The following TOP1MT variants were observed in gnomAD, a reference collection of about 807,000 sequenced individuals.
The protein encoded by TOP1MT is DNA topoisomerase I mitochondrial.
Under a neutral mutation model 73.9 loss-of-function variants are expected in TOP1MT, and 80 were observed. The observed-to-expected ratio is 1.08, with a 90% CI of 0.90 to 1.30. The LOEUF (loss-of-function observed/expected upper bound fraction) is 1.30. Ranked by LOEUF, TOP1MT falls within the 50% of genes most tolerant of loss-of-function variation. TOP1MT has a pLI of 0.00. For missense variants in TOP1MT, 815 were observed against 808.0 expected, an observed-to-expected ratio of 1.01 and a Z score of -0.10; for synonymous variants, 338 against 326.4, an observed-to-expected ratio of 1.04 and a Z score of -0.38.
upstream of TOP1MT, among the ~76,000 whole-genome samples, chr8:143,339,469 C>G (rs1207297021): frequency 6.6e-6 from 1 of 152,146 alleles, no homozygotes; most frequent in African/African-American, 2.4e-5. Context: ...CCTCAGTTTC[C>G]TCATCTGAAA....
chr8:143,352,175 G>T (rs1011859118), intron 1 of TOP1MT, among the ~76,000 whole-genome samples: 3 of 152,224 alleles, frequency 2.0e-5, no homozygotes, highest in African/African-American at 7.2e-5. Context: ...TGCAGAAATT[G>T]ACAACCTGAT....
Position 143,329,215 on chromosome 8 carries a change from C to T in TOP1MT, c.360+135G>A, listed in dbSNP as rs141937502. ...CCAGGAGCTCGAAGCTGCAAAGAGCCATGACGGCACCTGTGAGTGGTCACA... is the reference window on the plus strand; with the variant it reads ...CCAGGAGCTCGAAGCTGCAAAGAGCTATGACGGCACCTGTGAGTGGTCACA... On this transcript the variant is annotated intron_variant, in intron 3 of 13. Transcript: ENST00000329245. 2.6e-4 allele frequency: 257 copies of T among 995,490 alleles called. 1 individual carries two copies. In the African/African-American group the frequency reaches 3.7e-3, roughly 14 times the overall value. The allele number at this position is 995,490 out of a possible 1,614,324, so 61.7% of individuals were successfully genotyped here. A position where few individuals can be genotyped will look rare whatever the true frequency, so the allele number is the denominator to read the frequency against.
At chr8:143,312,967 A>G (rs1816051681) in intron 12 of TOP1MT, among the ~76,000 whole-genome samples, 1 of 152,162 alleles carries the variant, frequency 6.6e-6, no homozygotes. Context: ...GGTCCCAGCT[A>G]CTCAGGAGGC....
In TOP1MT at chr8:143,313,914, C is replaced by T. The variant is rs140792539; in HGVS notation, c.1553+1813G>A. Among the ~76,000 whole-genome samples, 1,299 of 151,548 alleles carry T rather than the reference C, an allele frequency of 8.6e-3. 12 individuals carry two copies. Among genetic ancestry groups the T allele is most frequent in the Non-Finnish European group, 0.014 (917 of 67,888 alleles). ...AACCCAAGAGTGGGCGAAACATCGACGAGCTCTTACAAGTCAATAATAAAA... is the reference window on the plus strand; with the variant it reads ...AACCCAAGAGTGGGCGAAACATCGATGAGCTCTTACAAGTCAATAATAAAA... On this transcript the variant is annotated intron_variant, in intron 12 of 13. Coordinates refer to ENST00000329245, the MANE Select transcript of TOP1MT (RefSeq NM_052963.3).
At chr8:143,356,672 G>C (rs1817413110), upstream of TOP1MT, among the ~76,000 whole-genome samples, 1 of 150,282 alleles carries the variant, frequency 6.7e-6, no homozygotes, top group South Asian at 2.1e-4. Context: ...TGTAGTCCCA[G>C]CTACTCAGGA....
At position 143,317,730 on chromosome 8, in the gene TOP1MT, C is replaced by T. The variant is rs143378694; in HGVS notation, c.1323G>A (p.Leu441=). ...GGTGTGGGGCAGGCTCACCGCGCGT[C>T]AGGGCCCGCAGCTGCTCCTGCAGAG... ...SITLQEQLRA[L]TRAEDSIAAK... Residue 441 remains leucine (L), a synonymous_variant, in exon 10 of 14, where the codon CTG becomes CTA. Transcript: ENST00000329245. The T allele has an allele frequency of 8.7e-5, 140 of 1,613,618 alleles. No individual in the cohort carries two copies. The African/African-American group carries it at 1.5e-3, about 18-fold the overall frequency.
Position 143,322,407 on chromosome 8 carries a change from ACACACGCACGCCACACACATGCACAC to A in TOP1MT, c.961-1047_961-1022del, listed in dbSNP as rs1183658715. Among the ~76,000 whole-genome samples, 1,029 of 119,392 alleles carry A rather than the reference ACACACGCACGCCACACACATGCACAC, an allele frequency of 8.6e-3. 43 individuals are homozygous for A. The highest frequency in any genetic ancestry group is 0.034 in the African/African-American group (989 of 29,366). The allele number at this position is 119,392 out of a possible 152,430, so 78.3% of individuals were successfully genotyped here. A position where few individuals can be genotyped will look rare whatever the true frequency, so the allele number is the denominator to read the frequency against. The stretch of plus-strand genomic sequence containing the variant: ...CACGCACGCCACACACATGCTCACC[ACACACGCACGCCACACACATGCACAC>A]CACACGCACGCCACACACAGGCATG... On this transcript the variant is annotated intron_variant, in intron 7 of 13. Coordinates refer to ENST00000329245, the MANE Select transcript of TOP1MT (RefSeq NM_052963.3).
At chr8:143,331,706 C>T (rs925772905) in intron 1 of TOP1MT, 1 of 187,844 alleles carries the variant, frequency 5.3e-6, no homozygotes, top group Non-Finnish European at 1.1e-5. Context: ...CTTCGGGAAC[C>T]TCTCCATGGG....
chr8:143,344,217 G>A lies in TOP1MT; in HGVS notation c.-39+699C>T, dbSNP rs1222566656. The A allele has an allele frequency of 1.3e-5, 2 of 152,166 alleles. No individual in the cohort carries two copies. The highest frequency in any genetic ancestry group is 4.8e-5 in the African/African-American group (2 of 41,426). The allele number at this position is 152,166 out of a possible 1,614,324, so 9.4% of individuals were successfully genotyped here. A position where few individuals can be genotyped will look rare whatever the true frequency, so the allele number is the denominator to read the frequency against. On this transcript the variant is annotated intron_variant, in intron 1 of 5. Coordinates refer to the TOP1MT transcript ENST00000518007. The surrounding 1 kb of genome is among the most constrained non-coding windows in gnomAD (Gnocchi z 4.6). ...ACAGAAGGAGCCGCTTCACCGAAAC[G>A]AGAGGACTAGGGAGGGAAGGGCAGC...
intron 2 of TOP1MT, among the ~76,000 whole-genome samples, chr8:143,330,891 T>C (rs987723834): frequency 7.5e-6 from 1 of 132,906 alleles, no homozygotes. Context: ...GTACACGCAG[T>C]GTACGTACTG....
upstream of TOP1MT, among the ~76,000 whole-genome samples, chr8:143,348,601 G>T (rs891808294): frequency 1.4e-5 from 2 of 147,220 alleles, no homozygotes; most frequent in Non-Finnish European, 3.0e-5. This position sits in a 1 kb window ranked among gnomAD's most constrained non-coding sequence, Gnocchi z 4.6. Context: ...CTGAGAGCTG[G>T]GGGGTGGGGG....
At chr8:143,323,224 C>CCA (rs1218805932) in intron 7 of TOP1MT, among the ~76,000 whole-genome samples, 21 of 114,836 alleles carry the variant, frequency 1.8e-4, no homozygotes, top group South Asian at 5.9e-4. Flanking sequence ...CACAGGCACG[C>CCA]CACACACAGG....
intron 3 of TOP1MT, among the ~76,000 whole-genome samples, chr8:143,329,080 T>A (rs1448720225): frequency 6.6e-6 from 1 of 151,960 alleles, no homozygotes; most frequent in Non-Finnish European, 1.5e-5. Flanking sequence ...GGCCTCCACA[T>A]CCACAGCCTG....
chr8:143,343,295 C>A (rs1006871540), intron 1 of TOP1MT: 1 of 456,016 alleles, frequency 2.2e-6, no homozygotes, highest in Non-Finnish European at 4.4e-6. Flanking sequence ...ATCTAGAATT[C>A]AAATGTATAC....
intron 2 of TOP1MT, 109 bp downstream of exon 2, chr8:143,331,115 T>C (rs553408725): frequency 3.6e-6 from 3 of 831,816 alleles, no homozygotes; most frequent in African/African-American, 1.7e-5. Flanking sequence ...AGAGCGCTCA[T>C]AGCCAGAAGC....
upstream of TOP1MT, chr8:143,359,121 T>G (rs752095882): frequency 4.4e-6 from 3 of 681,088 alleles, no homozygotes; most frequent in African/African-American, 5.9e-5. Context: ...GGATTATAGG[T>G]GTGAGCCACC....
At position 143,341,327 on chromosome 8, in the gene TOP1MT, C is replaced by T. The variant is rs546461872; in HGVS notation, c.29+1893G>A. Among the ~76,000 whole-genome samples the T allele has an allele frequency of 1.3e-5, 2 of 152,194 alleles. No homozygotes were observed. The highest frequency in any genetic ancestry group is 2.9e-5 in the Non-Finnish European group (2 of 68,034). ...CCAGAGCCCCCTTCCGGCTGGGCAC[C>T]GCCTGCAGGGCCATGCCCTTCTATC... is the stretch of plus-strand genomic sequence containing the variant. On this transcript the variant is annotated intron_variant, in intron 2 of 5. Transcript: ENST00000518007. This position sits in a 1 kb window ranked among gnomAD's most constrained non-coding sequence, Gnocchi z 4.1.
At chr8:143,322,009 G>A (rs1816428812) in intron 7 of TOP1MT, among the ~76,000 whole-genome samples, 1 of 56,344 alleles carries the variant, frequency 1.8e-5, no homozygotes, top group African/African-American at 6.1e-5. Flanking sequence ...CCACACACAT[G>A]CACGCCACAC....
upstream of TOP1MT, among the ~76,000 whole-genome samples, chr8:143,346,125 G>A (rs1586783316): frequency 6.6e-6 from 1 of 152,348 alleles, no homozygotes; most frequent in African/African-American, 2.4e-5. Context: ...GTGCTCCTGT[G>A]TGACTCCAGA....
Sources: gnomAD v4.1 joint callset for allele counts (sites outside exome capture counted in the v4.1 genomes callset) on GRCh38, gnomAD v4.1.1 for gene constraint, Gnocchi (gnomAD v3.1) non-coding constraint, MANE v1.5 for transcripts, NCBI Gene and HGNC (gene_info 2026-07-23, HGNC 2026-07-21) for gene names.